HTR2C: variants seen among roughly 807,000 people sequenced by gnomAD.
HTR2C encodes the protein 5-hydroxytryptamine receptor 2C, also known as 5-hydroxytryptamine (serotonin) receptor 2C, G protein-coupled.
HTR2C carries 5 observed loss-of-function variants against 21.0 expected under a neutral mutation model. The observed-to-expected ratio is 0.24, with a 90% confidence interval of 0.12 to 0.50. The LOEUF is 0.50. Ranked by LOEUF, HTR2C falls within the 20% of genes least tolerant of loss-of-function variation. The pLI is 0.98. For synonymous variants in HTR2C, 150 were observed against 145.3 expected (o/e 1.03, Z -0.23); for missense variants, 271 against 371.2 (o/e 0.73, Z 2.22).
chrX:114,754,877 C>G (rs782759594), intron 4 of HTR2C, among the ~76,000 whole-genome samples: 221 of 111,894 alleles, frequency 2.0e-3, no homozygotes, highest in Non-Finnish European at 3.5e-3. Context: ...AATGATACAT[C>G]CAACAAAAGA....
intron 1 of HTR2C, among the ~76,000 whole-genome samples, chrX:114,604,447 G>A (rs184650093): frequency 9.1e-6 from 1 of 109,983 alleles, no homozygotes; most frequent in Non-Finnish European, 1.9e-5. Context: ...ATGTGGAGTG[G>A]GTAGCCTCCG....
chrX:114,639,225 T>A, intron 2 of HTR2C, among the ~76,000 whole-genome samples: 1 of 112,361 alleles, frequency 8.9e-6, no homozygotes, highest in Admixed American at 9.5e-5. Flanking sequence ...CAATGTGAAA[T>A]AAATATTTCA....
chrX:114,886,891 T>C (rs782228773), intron 5 of HTR2C, among the ~76,000 whole-genome samples: 1 of 111,528 alleles, frequency 9.0e-6, no homozygotes, highest in Non-Finnish European at 1.9e-5. Flanking sequence ...CCTACATCTT[T>C]TTAGCTGTCA....
chrX:114,614,692 A>G (rs1928884792), intron 2 of HTR2C, among the ~76,000 whole-genome samples: 1 of 111,922 alleles, frequency 8.9e-6, no homozygotes, highest in Admixed American at 9.6e-5. Flanking sequence ...AAATCTCAGC[A>G]GGAGAGGCAG....
chrX:114,787,150 C>T, intron 4 of HTR2C, among the ~76,000 whole-genome samples: 1 of 111,667 alleles, frequency 9.0e-6, no homozygotes, highest in Middle Eastern at 4.7e-3. Flanking sequence ...TTTTCTGGAC[C>T]GCATTATATC....
chrX:114,730,790 T>A (rs190775838), intron 3 of HTR2C, among the ~76,000 whole-genome samples: 2 of 111,609 alleles, frequency 1.8e-5, no homozygotes, highest in African/African-American at 6.5e-5. Flanking sequence ...AAGGAATCAG[T>A]ATTTTAAAAA....
intron 4 of HTR2C, among the ~76,000 whole-genome samples, chrX:114,845,414 A>G (rs1237568517): frequency 9.0e-6 from 1 of 110,975 alleles, no homozygotes; most frequent in Non-Finnish European, 1.9e-5. Flanking sequence ...ACATTTAAAA[A>G]TAAAATGAAC....
chrX:114,731,904 T>C (rs2069541245), intron 4 of HTR2C, among the ~76,000 whole-genome samples: 1 of 111,774 alleles, frequency 8.9e-6, no homozygotes, highest in Non-Finnish European at 1.9e-5. Flanking sequence ...GAATGAGACA[T>C]TAACAGAAAC....
intron 1 of HTR2C, among the ~76,000 whole-genome samples, chrX:114,608,288 G>C (rs1266370958): frequency 3.6e-5 from 4 of 111,297 alleles, no homozygotes; most frequent in Non-Finnish European, 7.5e-5. Flanking sequence ...TATCCAATTT[G>C]CCTATTTTAA....
intron 4 of HTR2C, among the ~76,000 whole-genome samples, chrX:114,847,149 A>C (rs1343960102): frequency 9.0e-6 from 1 of 110,896 alleles, no homozygotes; most frequent in East Asian, 2.9e-4. Context: ...CAGACCCAAA[A>C]AGTCACAAAT....
At chrX:114,669,963 G>T (rs781795580) in intron 2 of HTR2C, among the ~76,000 whole-genome samples, 1 of 112,046 alleles carries the variant, frequency 8.9e-6, no homozygotes, top group African/African-American at 3.2e-5. Context: ...GCTGCCAGAC[G>T]TGGTGGTTCA....
rs782451317 is a variant in HTR2C, at chrX:114,644,362, AATATATATATATAT to A, written c.-80+30514_-80+30527del. On this transcript the variant is annotated intron_variant, in intron 2 of 5. Coordinates refer to ENST00000276198, the MANE Select transcript of HTR2C (RefSeq NM_000868.4). ...TCCATCTAAAATAAATAAATAAATA[AATATATATATATAT>A]ATATATATATATATATATATATATA... 8.1e-3 allele frequency among the ~76,000 whole-genome samples: 311 copies of A among 38,250 alleles called. 7 individuals are homozygous for A. The highest frequency in any genetic ancestry group is 0.035 in the African/African-American group (275 of 7,758). The allele number at this position is 38,250 out of a possible 115,157, so 33.2% of individuals were successfully genotyped here.
At chrX:114,691,999 T>TA (rs1334968600) in intron 2 of HTR2C, among the ~76,000 whole-genome samples, 1 of 111,774 alleles carries the variant, frequency 8.9e-6, no homozygotes. Context: ...CCTAAATTTT[T>TA]ATCTTCATTT....
chrX:114,711,395 T>G (rs1932889890), intron 2 of HTR2C, among the ~76,000 whole-genome samples: 2 of 111,922 alleles, frequency 1.8e-5, no homozygotes, highest in Non-Finnish European at 3.8e-5. Flanking sequence ...ATTCTTTTAC[T>G]TATAGAACAG....
intron 4 of HTR2C, among the ~76,000 whole-genome samples, chrX:114,835,351 C>A (rs1199032760): frequency 9.3e-6 from 1 of 107,907 alleles, no homozygotes; most frequent in Non-Finnish European, 1.9e-5. Context: ...ACCAATCAGA[C>A]CTAGATTTGG....
chrX:114,745,060 CA>C (rs1214512536), intron 4 of HTR2C, among the ~76,000 whole-genome samples: 2 of 111,572 alleles, frequency 1.8e-5, no homozygotes, highest in African/African-American at 6.5e-5. Flanking sequence ...AAAATGTTTG[CA>C]AACTACCTAT....
intron 1 of HTR2C, among the ~76,000 whole-genome samples, chrX:114,610,339 T>A (rs192639149): frequency 1.7e-3 from 196 of 112,219 alleles, no homozygotes; most frequent in African/African-American, 6.1e-3. Flanking sequence ...GCAGCAACCT[T>A]ATCTATTAAA....
At chrX:114,659,238 G>T (rs1266127745) in intron 2 of HTR2C, among the ~76,000 whole-genome samples, 1 of 111,517 alleles carries the variant, frequency 9.0e-6, no homozygotes, top group Admixed American at 9.6e-5. Flanking sequence ...ACAACACAGG[G>T]ATTATGGGAA....
At chrX:114,898,289 C>T (rs1556484515) in intron 5 of HTR2C, among the ~76,000 whole-genome samples, 1 of 111,369 alleles carries the variant, frequency 9.0e-6, no homozygotes, top group Admixed American at 9.5e-5. Flanking sequence ...GTTCCTTGTA[C>T]ACTCTGGATA....
Sources: allele counts gnomAD v4.1 joint callset (sites outside exome capture counted in the v4.1 genomes callset), GRCh38; gene constraint gnomAD v4.1.1; transcripts MANE v1.5; gene names NCBI Gene and HGNC (gene_info 2026-07-23, HGNC 2026-07-21).